The following NBAS variants were observed in gnomAD, a reference collection of about 807,000 sequenced individuals.
The protein encoded by NBAS is NAG/BC035112 fusion.
Under a neutral mutation model 302.5 loss-of-function variants are expected in NBAS, and 219 were observed. That is an observed-to-expected ratio of 0.72 (90% CI 0.65 to 0.81). The LOEUF is 0.81. Ranked by LOEUF, NBAS falls within the 30% of genes least tolerant of loss-of-function variation. The pLI, the probability that NBAS is intolerant of heterozygous loss-of-function variation, is 0.00. For synonymous variants in NBAS, 1,118 were observed against 1,021.6 expected, an observed-to-expected ratio of 1.09 and a Z score of -1.80; for missense variants, 2,932 against 2,841.6, an observed-to-expected ratio of 1.03 and a Z score of -0.72.
chr2:15,423,310 C>T (rs1326927446), intron 23 of NBAS, among the ~76,000 whole-genome samples: 2 of 152,074 alleles, frequency 1.3e-5, no homozygotes, highest in Non-Finnish European at 2.9e-5. Flanking sequence ...TGTTCTTGGC[C>T]ATCACCCAAA....
intron 44 of NBAS, among the ~76,000 whole-genome samples, chr2:15,246,685 A>G (rs971593636): frequency 6.6e-6 from 1 of 152,216 alleles, no homozygotes; most frequent in African/African-American, 2.4e-5. Flanking sequence ...TGCCATTGGG[A>G]CAATGCCACC....
intron 28 of NBAS, among the ~76,000 whole-genome samples, chr2:15,391,397 G>GA: frequency 6.6e-6 from 1 of 151,150 alleles, no homozygotes; most frequent in Non-Finnish European, 1.5e-5. Context: ...AACTCTTAAT[G>GA]AAAAATATAA....
At chr2:15,409,214 A>G (rs1676565551) in intron 25 of NBAS, among the ~76,000 whole-genome samples, 1 of 152,172 alleles carries the variant, frequency 6.6e-6, no homozygotes, top group Non-Finnish European at 1.5e-5. Flanking sequence ...GGCCATTTTT[A>G]AGATTCTCTC....
At chr2:15,533,679 C>CGTGTGTGTGTGTGTGTGTGTGTGT (rs59222907) in intron 9 of NBAS, among the ~76,000 whole-genome samples, 18 of 144,026 alleles carry the variant, frequency 1.2e-4, no homozygotes, top group African/African-American at 3.1e-4. Context: ...GGGGGGTGTG[C>CGTGTGTGTGTGTGTGTGTGTGTGT]GTGTGTGTGT....
chr2:14,819,612 T>A, the NBAS span, among the ~76,000 whole-genome samples: 3 of 152,228 alleles, frequency 2.0e-5, no homozygotes, highest in African/African-American at 7.2e-5. Context: ...GACTAAGTCA[T>A]AGACAAATAT....
the NBAS span, among the ~76,000 whole-genome samples, chr2:14,780,267 C>T: frequency 2.6e-5 from 4 of 152,164 alleles, no homozygotes; most frequent in Non-Finnish European, 5.9e-5. Flanking sequence ...AACCTATGGG[C>T]CTGTACAAAT....
chr2:14,915,137 G>A, the NBAS span, among the ~76,000 whole-genome samples: 3 of 152,256 alleles, frequency 2.0e-5, no homozygotes, highest in Non-Finnish European at 4.4e-5. Flanking sequence ...CAATAATGGA[G>A]ACGGCAGATA....
intron 11 of NBAS, among the ~76,000 whole-genome samples, chr2:15,495,321 C>G (rs773764194): frequency 2.6e-5 from 4 of 151,992 alleles, no homozygotes; most frequent in Non-Finnish European, 5.9e-5. Flanking sequence ...CCTTTAAAAG[C>G]AAACAAAAAA....
At chr2:15,476,002 T>C (rs1305039494) in intron 13 of NBAS, 122 bp from the exon 14 acceptor site, 1 of 713,062 alleles carries the variant, frequency 1.4e-6, no homozygotes, top group Non-Finnish European at 2.2e-6. Flanking sequence ...CCTAATGGTA[T>C]GTTAAATAAT....
chr2:15,301,674 C>T (rs1428178848), intron 40 of NBAS, among the ~76,000 whole-genome samples: 6 of 152,200 alleles, frequency 3.9e-5, no homozygotes, highest in South Asian at 2.1e-4. Flanking sequence ...AAAGTATTTA[C>T]GTTCAAAACA....
intron 23 of NBAS, among the ~76,000 whole-genome samples, chr2:15,419,780 C>T (rs1429013662): frequency 6.6e-6 from 1 of 151,848 alleles, no homozygotes; most frequent in Non-Finnish European, 1.5e-5. Context: ...GGTGCGATCT[C>T]GGCTCACGGC....
the NBAS span, among the ~76,000 whole-genome samples, chr2:15,145,135 T>C: frequency 6.6e-6 from 1 of 152,088 alleles, no homozygotes; most frequent in South Asian, 2.1e-4. Context: ...GACGTACACA[T>C]CCCATGGCTT....
chr2:15,279,389 A>G (rs969773426), intron 42 of NBAS, among the ~76,000 whole-genome samples: 4 of 152,146 alleles, frequency 2.6e-5, no homozygotes, highest in Admixed American at 2.0e-4. Flanking sequence ...TCAAGCACCC[A>G]TATCAACAAC....
chr2:14,947,349 C>T, the NBAS span, among the ~76,000 whole-genome samples: 1 of 152,026 alleles, frequency 6.6e-6, no homozygotes, highest in East Asian at 1.9e-4. Flanking sequence ...CATTTGAGAA[C>T]AAAGAAATAC....
At chr2:15,520,668 T>C (rs534949057) in intron 9 of NBAS, among the ~76,000 whole-genome samples, 1 of 152,166 alleles carries the variant, frequency 6.6e-6, no homozygotes, top group African/African-American at 2.4e-5. Context: ...TTCCTATAAA[T>C]CTTTCTTTAT....
Position 15,394,244 on chromosome 2 carries a change from C to A in NBAS, c.3240G>T (p.Thr1080=). 6.2e-7 allele frequency: 1 copy of A among 1,610,044 alleles called. No homozygotes were observed. The change falls in exon 28 of 52, where the codon ACG becomes ACT. Residue 1080 remains threonine, a synonymous_variant. Transcript: ENST00000281513. Reference sequence around the variant, plus strand: ...TTACTCACTTCCGGCCAGTGTGCCTCGTCAATCTAACCATCAGCTTGCGTG... The same window carrying A: ...TTACTCACTTCCGGCCAGTGTGCCTAGTCAATCTAACCATCAGCTTGCGTG... ...EEARKLMVRL[T]RHTGRKQPPV... is the part of the protein sequence containing the mutation.
chr2:15,192,186 T>A (rs1665389487), intron 48 of NBAS, among the ~76,000 whole-genome samples: 1 of 152,180 alleles, frequency 6.6e-6, no homozygotes, highest in Non-Finnish European at 1.5e-5. Context: ...AATGTAAGAT[T>A]GCCTTTCTTG....
intron 6 of NBAS, among the ~76,000 whole-genome samples, chr2:15,540,717 GTTTTGTT>G (rs1663770181): frequency 8.4e-6 from 1 of 118,988 alleles, no homozygotes. Flanking sequence ...CTTTTGTTTT[GTTTTGTT>G]TTTTGTTTTT....
intron 8 of NBAS, among the ~76,000 whole-genome samples, chr2:15,535,906 G>A (rs1663484261): frequency 6.6e-6 from 1 of 152,136 alleles, no homozygotes; most frequent in Non-Finnish European, 1.5e-5. Flanking sequence ...TAGTTGTTCT[G>A]GGAGTGGGTA....
Sources: gnomAD v4.1 joint callset for allele counts (sites outside exome capture counted in the v4.1 genomes callset) on GRCh38, gnomAD v4.1.1 for gene constraint, MANE v1.5 for transcripts, NCBI Gene and HGNC (gene_info 2026-07-23, HGNC 2026-07-21) for gene names.